The following FARP1 variants were observed in gnomAD, a reference collection of about 807,000 sequenced individuals.
FARP1 encodes FERM, ARH/RhoGEF and pleckstrin domain protein 1.
In FARP1, 52 loss-of-function variants were observed where a neutral mutation model predicts 128.8. That is an observed-to-expected ratio of 0.40 (90% CI 0.32 to 0.51). The LOEUF is 0.51. Ranked by LOEUF, FARP1 falls within the 20% of genes least tolerant of loss-of-function variation. The probability of loss-of-function intolerance (pLI) is 0.45; values close to 1 mark genes in which losing one functional copy is unlikely to be tolerated. For synonymous variants in FARP1, 580 were observed against 551.8 expected (o/e 1.05, Z -0.72); for missense variants, 1,333 against 1,367.9 (o/e 0.97, Z 0.40).
intron 2 of FARP1, among the ~76,000 whole-genome samples, chr13:98,264,553 A>G (rs1356712971): frequency 6.6e-6 from 1 of 152,188 alleles, no homozygotes; most frequent in African/African-American, 2.4e-5. Context: ...CCAAGGCACA[A>G]GAGTAGTGAT....
At chr13:98,195,641 C>A (rs941769874) in intron 1 of FARP1, among the ~76,000 whole-genome samples, 1 of 152,056 alleles carries the variant, frequency 6.6e-6, no homozygotes, top group Non-Finnish European at 1.5e-5. Flanking sequence ...ATTCTCTGAT[C>A]CGCTGTGTCA....
At chr13:98,309,152 CCTTTTTTTTTTTTTT>C (rs1355205869) in intron 2 of FARP1, among the ~76,000 whole-genome samples, 3 of 106,202 alleles carry the variant, frequency 2.8e-5, no homozygotes, top group African/African-American at 1.1e-4. Flanking sequence ...TTTTAAGAGG[CCTTTTTTTTTTTTTT>C]TTTTTTTTTT....
chr13:98,222,767 G>C (rs542079850), intron 2 of FARP1, among the ~76,000 whole-genome samples: 4 of 150,566 alleles, frequency 2.7e-5, no homozygotes, highest in African/African-American at 7.3e-5. Flanking sequence ...GACTAGGACT[G>C]CAGGCGTGCA....
chr13:98,388,407 A>G lies in FARP1; in HGVS notation c.784A>G (p.Asn262Asp). 1 of 1,614,062 alleles carries G rather than the reference A, an allele frequency of 6.2e-7. No homozygotes were observed. The change falls in exon 9 of 27, where the codon AAC becomes GAC. Residue 262 changes from asparagine (N) to aspartate (D), a missense_variant. Coordinates refer to ENST00000319562, the MANE Select transcript of FARP1 (RefSeq NM_005766.4). ...GGGTTTCACTAAGATCAATGCCTTCAACTGGGCCAAGGTGCGGAAGCTGAG... is the reference window on the plus strand; with the variant it reads ...GGGTTTCACTAAGATCAATGCCTTCGACTGGGCCAAGGTGCGGAAGCTGAG... ...FQGFTKINAFNWAKVRKLSFK... is the reference protein window; with the variant it reads ...FQGFTKINAFDWAKVRKLSFK...
intron 16 of FARP1, among the ~76,000 whole-genome samples, chr13:98,422,689 C>G (rs956188504): frequency 5.3e-5 from 8 of 152,168 alleles, no homozygotes; most frequent in Non-Finnish European, 1.2e-4. Context: ...GATGACTTTT[C>G]TACCTCCTGG....
intron 1 of FARP1, among the ~76,000 whole-genome samples, chr13:98,167,057 T>A (rs1179951080): frequency 6.6e-6 from 1 of 152,170 alleles, no homozygotes; most frequent in East Asian, 1.9e-4. Context: ...TTTGCACTTT[T>A]CTTACTACTC....
intron 2 of FARP1, among the ~76,000 whole-genome samples, chr13:98,279,907 C>T (rs530303515): frequency 7.2e-5 from 11 of 152,074 alleles, no homozygotes; most frequent in Non-Finnish European, 1.5e-4. Context: ...CTCTGTCTTC[C>T]GGGTCTCCCC....
chr13:98,355,281 G>A (rs1256819716), intron 3 of FARP1, among the ~76,000 whole-genome samples: 1 of 152,104 alleles, frequency 6.6e-6, no homozygotes, highest in African/African-American at 2.4e-5. Flanking sequence ...AGAAGGTAGA[G>A]GTTTCATTGA....
chr13:98,299,131 G>A (rs1480173669), intron 2 of FARP1, among the ~76,000 whole-genome samples: 1 of 152,034 alleles, frequency 6.6e-6, no homozygotes, highest in Non-Finnish European at 1.5e-5. Flanking sequence ...TTTAATGCTG[G>A]GTAATAAAGC....
intron 3 of FARP1, among the ~76,000 whole-genome samples, chr13:98,353,071 A>G (rs770105257): frequency 2.6e-5 from 4 of 152,184 alleles, no homozygotes; most frequent in Non-Finnish European, 4.4e-5. Context: ...CAGATCTCCC[A>G]TGAACTCTGA....
chr13:98,382,698 C>A (rs1455086293), intron 6 of FARP1, among the ~76,000 whole-genome samples: 1 of 152,004 alleles, frequency 6.6e-6, no homozygotes, highest in East Asian at 1.9e-4. Context: ...TGTGCATTCC[C>A]AGTGGAGGTC....
chr13:98,337,555 G>GTGTA (rs1887796632), intron 2 of FARP1, among the ~76,000 whole-genome samples: 1 of 144,604 alleles, frequency 6.9e-6, no homozygotes, highest in South Asian at 2.1e-4. Context: ...GTGTGTGTGT[G>GTGTA]TGTGTGTGTG....
chr13:98,175,872 T>G (rs1877974481), intron 1 of FARP1: 2 of 418,706 alleles, frequency 4.8e-6, no homozygotes, highest in African/African-American at 4.0e-5. Context: ...AGGATCAGTT[T>G]AAATCTTTAA....
In FARP1 at chr13:98,149,729, CTTTTTTTTTTT is replaced by C. The variant is rs71120307; in HGVS notation, c.-24+6253_-24+6263del. On this transcript the variant is annotated intron_variant, in intron 1 of 26. Transcript: ENST00000319562. ...TTTGTGAGTGTCTGTTAGATATTTA[CTTTTTTTTTTT>C]TTTTTTTTTTTTTTTGAGACGGAGT... Among the ~76,000 whole-genome samples, 13 of 52,382 alleles carry C rather than the reference CTTTTTTTTTTT, an allele frequency of 2.5e-4. No homozygotes were observed. The Admixed American group carries it at 3.7e-3, about 15-fold the overall frequency. 34.4% of individuals were successfully genotyped at this position (52,382 alleles called of 152,430 possible).
At chr13:98,157,278 A>G (rs777001926) in intron 1 of FARP1, among the ~76,000 whole-genome samples, 5 of 152,018 alleles carry the variant, frequency 3.3e-5, no homozygotes, top group Non-Finnish European at 4.4e-5. Flanking sequence ...TTTTTGCCCC[A>G]TTTTATTTCC....
intron 17 of FARP1, among the ~76,000 whole-genome samples, chr13:98,426,295 C>G (rs1891785668): frequency 6.6e-6 from 1 of 152,046 alleles, no homozygotes; most frequent in Non-Finnish European, 1.5e-5. Context: ...TTGAGAGCAG[C>G]CTAGACAACA....
chr13:98,325,860 G>T (rs1370889587), intron 2 of FARP1, among the ~76,000 whole-genome samples: 1 of 152,218 alleles, frequency 6.6e-6, no homozygotes, highest in Non-Finnish European at 1.5e-5. Context: ...AACAACCAGG[G>T]CCTGAAAGCC....
rs577491207 is a variant in FARP1, at chr13:98,211,506, G to A, written c.-23-1714G>A. 3.5e-4 allele frequency among the ~76,000 whole-genome samples: 54 copies of A among 152,316 alleles called. 1 individual carries two copies. The South Asian group carries it at 9.8e-3, about 28-fold the overall frequency. ...CCTGGTGCCACAAAGGTTGGGGACC[G>A]CTGCTCTAGCACCTGACTTCAAATC... On this transcript the variant is annotated intron_variant, in intron 1 of 26. Transcript: ENST00000319562.
At chr13:98,437,389 G>A (rs190436712) in intron 19 of FARP1, among the ~76,000 whole-genome samples, 78 of 152,194 alleles carry the variant, frequency 5.1e-4, no homozygotes, top group African/African-American at 1.9e-3. Flanking sequence ...TGGTGCAGGC[G>A]GTAAGAATTA....
Sources: gnomAD v4.1 joint callset for allele counts (sites outside exome capture counted in the v4.1 genomes callset) on GRCh38, gnomAD v4.1.1 for gene constraint, MANE v1.5 for transcripts, NCBI Gene and HGNC (gene_info 2026-07-23, HGNC 2026-07-21) for gene names.